WWC2: variants seen among roughly 807,000 people sequenced by gnomAD.
The protein encoded by WWC2 is WW and C2 domain containing 2, also known as protein WWC2.
In WWC2, 101 loss-of-function variants were observed where a neutral mutation model predicts 138.5. The ratio of observed to expected loss-of-function variants is 0.73; its 90% CI spans 0.62 to 0.86. The LOEUF is 0.86. WWC2 is among the 40% of genes least tolerant of loss of function. The probability of loss-of-function intolerance (pLI) is 0.00; values close to 1 mark genes in which losing one functional copy is unlikely to be tolerated. For missense variants in WWC2, 1,420 were observed against 1,419.4 expected (o/e 1.00, Z -0.01); for synonymous variants, 558 against 538.4 (o/e 1.04, Z -0.50).
intron 14 of WWC2, among the ~76,000 whole-genome samples, chr4:183,268,045 C>T (rs1317078824): frequency 6.6e-6 from 1 of 152,200 alleles, no homozygotes; most frequent in Non-Finnish European, 1.5e-5. Flanking sequence ...CAGTGGGCTT[C>T]AGGCCCACTA....
chr4:183,117,623 C>CTTT (rs150384991), intron 1 of WWC2, among the ~76,000 whole-genome samples: 2 of 141,318 alleles, frequency 1.4e-5, no homozygotes, highest in African/African-American at 5.2e-5. Context: ...AATTACAAAG[C>CTTT]TTTTTTTTTT....
intron 1 of WWC2, among the ~76,000 whole-genome samples, chr4:183,132,554 C>T (rs1732959432): frequency 6.6e-6 from 1 of 151,542 alleles, no homozygotes; most frequent in Admixed American, 6.6e-5. Context: ...CCCGGGTTCA[C>T]GCCATTCTCC....
At chr4:183,238,173 C>T (rs1307093455) in intron 4 of WWC2, among the ~76,000 whole-genome samples, 2 of 152,202 alleles carry the variant, frequency 1.3e-5, no homozygotes, top group African/African-American at 4.8e-5. Flanking sequence ...TTCCTCTTTT[C>T]TTCCACATTT....
chr4:183,266,403 A>AT (rs935416166), intron 14 of WWC2, among the ~76,000 whole-genome samples: 4 of 152,202 alleles, frequency 2.6e-5, no homozygotes, highest in Non-Finnish European at 5.9e-5. Flanking sequence ...ATCATCAAGC[A>AT]TTTACTTCCC....
chr4:183,228,997 A>G (rs539102940), intron 4 of WWC2, among the ~76,000 whole-genome samples: 2 of 152,230 alleles, frequency 1.3e-5, no homozygotes, highest in African/African-American at 4.8e-5. Flanking sequence ...TATTAAGTTC[A>G]GAAAAGACAA....
intron 1 of WWC2, among the ~76,000 whole-genome samples, chr4:183,120,952 G>A (rs1417111178): frequency 6.6e-6 from 1 of 152,180 alleles, no homozygotes; most frequent in Non-Finnish European, 1.5e-5. Flanking sequence ...GCCAGGAGGG[G>A]TTGCTTACGC....
rs371600762 is a variant in WWC2, at chr4:183,220,662, A to G, written c.522+11637A>G. On this transcript the variant is annotated intron_variant, in intron 4 of 22. Transcript: ENST00000403733. Reference sequence around the variant, plus strand: ...ATCCTGGCTAACACAGTGAAACGCCATCTCTACTAAAAATACAAAAAAGTA... The same window carrying G: ...ATCCTGGCTAACACAGTGAAACGCCGTCTCTACTAAAAATACAAAAAAGTA... Among the ~76,000 whole-genome samples the G allele has an allele frequency of 2.8e-3, 425 of 152,030 alleles. 4 individuals are homozygous for G. The highest frequency in any genetic ancestry group is 4.9e-3 in the East Asian group (25 of 5,144).
chr4:183,106,005 G>A (rs1263877289), intron 1 of WWC2, among the ~76,000 whole-genome samples: 4 of 150,426 alleles, frequency 2.7e-5, no homozygotes, highest in Non-Finnish European at 5.9e-5. Context: ...TTTGACAAGA[G>A]TTTTATTCTT....
chr4:183,145,979 A>G (rs1733444008), intron 1 of WWC2, among the ~76,000 whole-genome samples: 1 of 152,212 alleles, frequency 6.6e-6, no homozygotes, highest in Non-Finnish European at 1.5e-5. Context: ...TAATGTGTCT[A>G]CTTGAAGGAT....
chr4:183,103,936 G>A (rs1047866887), intron 1 of WWC2, among the ~76,000 whole-genome samples: 1 of 151,570 alleles, frequency 6.6e-6, no homozygotes, highest in African/African-American at 2.4e-5. Context: ...GCCCGGCCTG[G>A]CCTTGTCTTT....
intron 11 of WWC2, 132 bp from the exon 12 acceptor site, chr4:183,264,846 G>A: frequency 1.0e-6 from 1 of 996,630 alleles, no homozygotes; most frequent in South Asian, 3.0e-5. Context: ...CTGTAGATTT[G>A]AATATTAACA....
rs1484468342 is a variant in WWC2 at position 183,185,964 on chromosome 4, T to TTC, written c.132-7635_132-7634insTC. 2.1e-4 allele frequency among the ~76,000 whole-genome samples: 31 copies of TTC among 150,312 alleles called. No individual in the cohort carries two copies. The East Asian group carries it at 6.1e-3, about 29-fold the overall frequency. On this transcript the variant is annotated intron_variant, in intron 1 of 22. Coordinates refer to ENST00000403733, the MANE Select transcript of WWC2 (RefSeq NM_024949.6). ...ACATAGATTTTTTTTTTTTTTTTTT[T>TTC]GGTGACGGAGTCTCACTCTGTCACC...
At chr4:183,176,615 G>A (rs192389086) in intron 1 of WWC2, among the ~76,000 whole-genome samples, 95 of 152,068 alleles carry the variant, frequency 6.2e-4, no homozygotes, top group African/African-American at 2.2e-3. Context: ...TAGAGATGGG[G>A]TTTCACCATA....
chr4:183,271,332 G>A (rs1025143164), intron 16 of WWC2, 91 bp downstream of exon 16: 32 of 1,047,220 alleles, frequency 3.1e-5, no homozygotes, highest in Admixed American at 5.9e-5. Flanking sequence ...GGAATGCTAC[G>A]AGACCAACAT....
chr4:183,177,169 C>T (rs566871635), intron 1 of WWC2, among the ~76,000 whole-genome samples: 7 of 152,182 alleles, frequency 4.6e-5, no homozygotes, highest in Non-Finnish European at 5.9e-5. Flanking sequence ...TAGATAGTGA[C>T]TACTTTAGAT....
intron 19 of WWC2, among the ~76,000 whole-genome samples, chr4:183,285,708 C>T (rs1022735803): frequency 2.0e-5 from 3 of 151,946 alleles, no homozygotes; most frequent in African/African-American, 7.2e-5. Flanking sequence ...TGCAATGAGC[C>T]GAGATCACGC....
intron 1 of WWC2, among the ~76,000 whole-genome samples, chr4:183,120,896 G>C (rs538763693): frequency 1.3e-5 from 2 of 152,298 alleles, no homozygotes; most frequent in South Asian, 4.2e-4. Context: ...TCACAGGCAT[G>C]AGCCACCATG....
intron 1 of WWC2, among the ~76,000 whole-genome samples, chr4:183,164,411 A>ATT (rs77423776): frequency 0.15 from 126 of 840 alleles, 9 homozygotes; most frequent in African/African-American, 0.31. Context: ...TATTATATAT[A>ATT]ATATATATAT....
chr4:183,134,138 C>T (rs1291779367), intron 1 of WWC2, among the ~76,000 whole-genome samples: 1 of 151,632 alleles, frequency 6.6e-6, no homozygotes, highest in South Asian at 2.1e-4. Context: ...CATCTGTTGT[C>T]TCTCTTGCTT....
Sources: gnomAD v4.1 joint callset for allele counts (sites outside exome capture counted in the v4.1 genomes callset) on GRCh38, gnomAD v4.1.1 for gene constraint, MANE v1.5 for transcripts, NCBI Gene and HGNC (gene_info 2026-07-23, HGNC 2026-07-21) for gene names.